MACROD2: variants seen among roughly 807,000 people sequenced by gnomAD.
The protein encoded by MACROD2 is mono-ADP ribosylhydrolase 2.
Under a neutral mutation model 70.4 loss-of-function variants are expected in MACROD2, and 36 were observed. The observed-to-expected ratio is 0.51, with a 90% CI of 0.39 to 0.68. MACROD2 has a LOEUF of 0.68. Ranked by LOEUF, MACROD2 falls within the 30% of genes least tolerant of loss-of-function variation. The probability of loss-of-function intolerance (pLI) is 0.00; values close to 1 mark genes in which losing one functional copy is unlikely to be tolerated. For missense variants in MACROD2, 496 were observed against 538.4 expected (o/e 0.92, Z 0.78); for synonymous variants, 172 against 178.8 (o/e 0.96, Z 0.30).
intron 3 of MACROD2, among the ~76,000 whole-genome samples, chr20:14,430,748 C>T: frequency 6.6e-6 from 1 of 152,040 alleles, no homozygotes; most frequent in East Asian, 1.9e-4. Flanking sequence ...CAGGTTGTAA[C>T]CATGTGACTA....
intron 6 of MACROD2, among the ~76,000 whole-genome samples, chr20:15,386,818 A>G (rs935465283): frequency 6.6e-6 from 1 of 152,192 alleles, no homozygotes; most frequent in East Asian, 1.9e-4. Flanking sequence ...ATTGAGTTAG[A>G]GCTGAACAAA....
chr20:14,739,897 G>C (rs1198214051), intron 5 of MACROD2, among the ~76,000 whole-genome samples: 1 of 151,954 alleles, frequency 6.6e-6, no homozygotes. Context: ...GGTATGTTAA[G>C]GTAGGGCATG....
chr20:14,669,602 A>T (rs1212749224), intron 4 of MACROD2, among the ~76,000 whole-genome samples: 1 of 152,184 alleles, frequency 6.6e-6, no homozygotes, highest in Non-Finnish European at 1.5e-5. Context: ...TTCTCCATAG[A>T]TCTCATTCTC....
At chr20:14,774,438 G>T (rs537597148) in intron 5 of MACROD2, among the ~76,000 whole-genome samples, 2 of 152,162 alleles carry the variant, frequency 1.3e-5, no homozygotes, top group East Asian at 3.9e-4. Flanking sequence ...TAATGAGGAA[G>T]TAAAATCATT....
At chr20:14,005,549 A>C (rs2052803474) in intron 2 of MACROD2, among the ~76,000 whole-genome samples, 1 of 152,046 alleles carries the variant, frequency 6.6e-6, no homozygotes, top group Non-Finnish European at 1.5e-5. Flanking sequence ...TCGTAAGTTA[A>C]ATAAGAATGC....
chr20:15,031,793 G>A (rs1344852303), intron 5 of MACROD2, among the ~76,000 whole-genome samples: 3 of 152,134 alleles, frequency 2.0e-5, no homozygotes, highest in South Asian at 2.1e-4. Flanking sequence ...TCTGGGCCAT[G>A]GACTCCACCC....
intron 3 of MACROD2, among the ~76,000 whole-genome samples, chr20:14,169,198 A>G (rs1362291201): frequency 6.6e-6 from 1 of 152,230 alleles, no homozygotes; most frequent in African/African-American, 2.4e-5. Context: ...TAGAAGAGAC[A>G]TACATACCTT....
chr20:14,886,818 A>G (rs2073682206), intron 5 of MACROD2, among the ~76,000 whole-genome samples: 1 of 152,174 alleles, frequency 6.6e-6, no homozygotes, highest in Non-Finnish European at 1.5e-5. Flanking sequence ...TGAAGTAAGA[A>G]CAGAAAGTGA....
At chr20:14,140,287 T>A (rs1428324272) in intron 3 of MACROD2, among the ~76,000 whole-genome samples, 3 of 152,242 alleles carry the variant, frequency 2.0e-5, no homozygotes, top group Non-Finnish European at 2.9e-5. Flanking sequence ...TTGCATTTAC[T>A]GTTTTTAAGG....
intron 5 of MACROD2, among the ~76,000 whole-genome samples, chr20:14,756,348 T>C (rs907223976): frequency 2.6e-5 from 4 of 152,134 alleles, no homozygotes; most frequent in Non-Finnish European, 5.9e-5. Flanking sequence ...AAATTCAACA[T>C]TTCATCTTAT....
intron 6 of MACROD2, among the ~76,000 whole-genome samples, chr20:15,322,286 A>G (rs1014460668): frequency 6.9e-6 from 1 of 144,046 alleles, no homozygotes; most frequent in African/African-American, 2.5e-5. Context: ...ATGGTCTGAT[A>G]GGAATTACCT....
At chr20:15,866,954 A>G (rs1348722161) in intron 9 of MACROD2, among the ~76,000 whole-genome samples, 1 of 152,178 alleles carries the variant, frequency 6.6e-6, no homozygotes, top group Non-Finnish European at 1.5e-5. Context: ...GGCCTCTAAA[A>G]ACAAAGTACC....
At chr20:15,510,429 A>C (rs149966498) in intron 8 of MACROD2, among the ~76,000 whole-genome samples, 159 of 152,274 alleles carry the variant, frequency 1.0e-3, no homozygotes, top group Middle Eastern at 3.4e-3. Context: ...GAAAATTAAC[A>C]GTTTTGATAC....
chr20:14,762,311 A>T (rs1261179253), intron 5 of MACROD2, among the ~76,000 whole-genome samples: 1 of 152,114 alleles, frequency 6.6e-6, no homozygotes, highest in Non-Finnish European at 1.5e-5. Context: ...AGCTAAGAAG[A>T]CTTACTCAGG....
intron 4 of MACROD2, among the ~76,000 whole-genome samples, chr20:14,648,162 T>C (rs1267626466): frequency 6.6e-6 from 1 of 152,166 alleles, no homozygotes; most frequent in Non-Finnish European, 1.5e-5. Context: ...GTCAGGATTA[T>C]AACTCAAAAT....
intron 8 of MACROD2, among the ~76,000 whole-genome samples, chr20:15,569,453 A>T (rs2048348975): frequency 6.6e-6 from 1 of 152,136 alleles, no homozygotes; most frequent in Non-Finnish European, 1.5e-5. Flanking sequence ...GTTGTTATTA[A>T]CTATAGTCAC....
intron 5 of MACROD2, chr20:14,850,433 T>C (rs2073187843): frequency 6.5e-6 from 1 of 153,316 alleles, no homozygotes; most frequent in Non-Finnish European, 1.5e-5. Flanking sequence ...AATGTACACA[T>C]GCTGACTTCC....
chr20:14,858,997 A>G (rs1051571774), intron 5 of MACROD2, among the ~76,000 whole-genome samples: 1 of 152,132 alleles, frequency 6.6e-6, no homozygotes, highest in African/African-American at 2.4e-5. Context: ...TAATACTTCC[A>G]TGCAGTGCCA....
chr20:15,101,550 C>CAAAAAAAAAAAAAAAAA (rs1555782811), intron 5 of MACROD2, among the ~76,000 whole-genome samples: 1 of 16,562 alleles, frequency 6.0e-5, no homozygotes, highest in African/African-American at 2.4e-4. Context: ...AAAAAAAAAG[C>CAAAAAAAAAAAAAAAAA]ATTCTGGAGT....
Sources: gnomAD v4.1 joint callset for allele counts (sites outside exome capture counted in the v4.1 genomes callset) on GRCh38, gnomAD v4.1.1 for gene constraint, MANE v1.5 for transcripts, NCBI Gene and HGNC (gene_info 2026-07-23, HGNC 2026-07-21) for gene names.